ARHGAP15: variants seen among roughly 807,000 people sequenced by gnomAD.
The protein encoded by ARHGAP15 is rho GTPase-activating protein 15.
A neutral mutation model predicts 63.7 loss-of-function variants in ARHGAP15; 51 were observed. The ratio of observed to expected loss-of-function variants is 0.80; its 90% CI spans 0.64 to 1.01. The LOEUF is 1.01. Among genes scored for constraint, ARHGAP15 ranks in the 50% least tolerant of loss-of-function variants. The pLI is 0.00. For synonymous variants in ARHGAP15, 191 were observed against 193.8 expected (o/e 0.99, Z 0.12); for missense variants, 560 against 564.6 (o/e 0.99, Z 0.08).
At chr2:143,748,385 A>G (rs573403292) in intron 13 of ARHGAP15, among the ~76,000 whole-genome samples, 1 of 152,066 alleles carries the variant, frequency 6.6e-6, no homozygotes, top group Non-Finnish European at 1.5e-5. Flanking sequence ...TAACTAAATC[A>G]CTCTAATATA....
At chr2:143,205,440 G>T (rs1010452382) in intron 3 of ARHGAP15, among the ~76,000 whole-genome samples, 10 of 152,098 alleles carry the variant, frequency 6.6e-5, no homozygotes, top group African/African-American at 1.9e-4. Context: ...TGAGGGCAAG[G>T]ACACTGTCTC....
chr2:143,388,167 G>A (rs986426153), intron 6 of ARHGAP15, among the ~76,000 whole-genome samples: 53 of 151,930 alleles, frequency 3.5e-4, no homozygotes, highest in African/African-American at 1.2e-3. Context: ...AATTATTCAC[G>A]TTATTTGTAA....
At chr2:143,357,407 C>T (rs563397391) in intron 6 of ARHGAP15, among the ~76,000 whole-genome samples, 2 of 151,824 alleles carry the variant, frequency 1.3e-5, no homozygotes, top group Admixed American at 6.6e-5. Context: ...CACATAATAG[C>T]TATTATTGAT....
At chr2:143,367,840 C>T (rs1686362418) in intron 6 of ARHGAP15, among the ~76,000 whole-genome samples, 1 of 151,912 alleles carries the variant, frequency 6.6e-6, no homozygotes, top group African/African-American at 2.4e-5. Flanking sequence ...CTGCAATTTT[C>T]CGGCCACCTT....
At chr2:143,542,621 C>CAT (rs35825662) in intron 10 of ARHGAP15, among the ~76,000 whole-genome samples, 1 of 141,686 alleles carries the variant, frequency 7.1e-6, no homozygotes, top group Non-Finnish European at 1.5e-5. Context: ...GCATATATAT[C>CAT]ATATATATAT....
At chr2:143,220,041 A>C (rs1420460945) in intron 4 of ARHGAP15, among the ~76,000 whole-genome samples, 1 of 152,208 alleles carries the variant, frequency 6.6e-6, no homozygotes, top group Admixed American at 6.5e-5. Context: ...TTGTATATGT[A>C]ATCACCATGT....
chr2:143,283,691 CT>C (rs1159325824), intron 6 of ARHGAP15, among the ~76,000 whole-genome samples: 4 of 152,100 alleles, frequency 2.6e-5, no homozygotes, highest in African/African-American at 9.7e-5. Context: ...GCATACCTTT[CT>C]TTTTTCCCCC....
chr2:143,308,073 T>A (rs1467159228), intron 6 of ARHGAP15, among the ~76,000 whole-genome samples: 1 of 152,162 alleles, frequency 6.6e-6, no homozygotes, highest in Non-Finnish European at 1.5e-5. Flanking sequence ...TGTGAGCAAT[T>A]TTTTGAAAAA....
intron 13 of ARHGAP15, among the ~76,000 whole-genome samples, chr2:143,709,137 A>ATAAT (rs1281315056): frequency 6.6e-6 from 1 of 152,222 alleles, no homozygotes; most frequent in Non-Finnish European, 1.5e-5. Context: ...AAAATAATAC[A>ATAAT]TAATTATGGA....
At chr2:143,419,392 C>T (rs1688818215) in intron 6 of ARHGAP15, among the ~76,000 whole-genome samples, 1 of 151,988 alleles carries the variant, frequency 6.6e-6, no homozygotes, top group African/African-American at 2.4e-5. Flanking sequence ...CTATTTCTAA[C>T]AATCTCTTCT....
At chr2:143,491,779 A>G (rs1390808250) in intron 9 of ARHGAP15, among the ~76,000 whole-genome samples, 2 of 152,122 alleles carry the variant, frequency 1.3e-5, no homozygotes, top group Non-Finnish European at 2.9e-5. Context: ...TCAGTGTTGT[A>G]ATATCTTACT....
chr2:143,138,365 A>C (rs1689229049), intron 1 of ARHGAP15, among the ~76,000 whole-genome samples: 1 of 152,044 alleles, frequency 6.6e-6, no homozygotes, highest in South Asian at 2.1e-4. Flanking sequence ...AGTCCATGTT[A>C]TTTTCAGTAT....
rs915956420 is a variant in ARHGAP15 at position 143,251,706 on chromosome 2, A to C, written c.474+1106A>C. The stretch of plus-strand genomic sequence containing the variant: ...GAATATATGCAATTATTATTTGTCA[A>C]TTAAAAATAAAATTTAAAAAGGAAG... On this transcript the variant is annotated intron_variant, in intron 6 of 13. Transcript: ENST00000295095. Among the ~76,000 whole-genome samples, 19 of 152,186 alleles carry C rather than the reference A, an allele frequency of 1.2e-4. 1 individual carries two copies. The highest frequency in any genetic ancestry group is 8.5e-4 in the Admixed American group (13 of 15,272).
intron 6 of ARHGAP15, among the ~76,000 whole-genome samples, chr2:143,364,650 C>T (rs1686216811): frequency 2.0e-5 from 3 of 152,074 alleles, no homozygotes; most frequent in African/African-American, 4.8e-5. Flanking sequence ...TTTTGAAGTA[C>T]GCACAGAATT....
At chr2:143,381,130 G>A (rs1558933092) in intron 6 of ARHGAP15, among the ~76,000 whole-genome samples, 1 of 152,128 alleles carries the variant, frequency 6.6e-6, no homozygotes, top group Non-Finnish European at 1.5e-5. Flanking sequence ...CTAGTTGCGT[G>A]TATTTAAAAC....
At chr2:143,756,907 A>G (rs1035100211) in intron 13 of ARHGAP15, among the ~76,000 whole-genome samples, 1 of 151,900 alleles carries the variant, frequency 6.6e-6, no homozygotes, top group Non-Finnish European at 1.5e-5. Flanking sequence ...AGTCTTCCTC[A>G]GGTCTCAGGC....
chr2:143,299,150 A>G (rs546104461), intron 6 of ARHGAP15, among the ~76,000 whole-genome samples: 1 of 151,950 alleles, frequency 6.6e-6, no homozygotes, highest in Non-Finnish European at 1.5e-5. Flanking sequence ...TTCAAGGTCT[A>G]AAAAATAATG....
At chr2:143,474,099 A>C (rs1329726762) in intron 8 of ARHGAP15, among the ~76,000 whole-genome samples, 1 of 152,194 alleles carries the variant, frequency 6.6e-6, no homozygotes, top group Non-Finnish European at 1.5e-5. Flanking sequence ...AATTATATCC[A>C]GCAGGCACTC....
At chr2:143,656,779 G>C (rs755445318) in intron 12 of ARHGAP15, among the ~76,000 whole-genome samples, 1 of 152,306 alleles carries the variant, frequency 6.6e-6, no homozygotes, top group Non-Finnish European at 1.5e-5. Flanking sequence ...TGAGAAAACT[G>C]TGTTCTCTCC....
Sources: allele counts gnomAD v4.1 joint callset (sites outside exome capture counted in the v4.1 genomes callset), GRCh38; gene constraint gnomAD v4.1.1; transcripts MANE v1.5; gene names NCBI Gene and HGNC (gene_info 2026-07-23, HGNC 2026-07-21).